ACSM3: variants seen among roughly 807,000 people sequenced by gnomAD.
The protein encoded by ACSM3 is acyl-coenzyme A synthetase ACSM3, mitochondrial.
ACSM3 carries 61 observed loss-of-function variants against 74.1 expected under a neutral mutation model. The observed-to-expected ratio is 0.82, with a 90% confidence interval of 0.67 to 1.02. ACSM3 has a LOEUF of 1.02. ACSM3 is among the 50% of genes least tolerant of loss of function. The probability of loss-of-function intolerance (pLI) is 0.00; values close to 1 mark genes in which losing one functional copy is unlikely to be tolerated. For synonymous variants in ACSM3, 213 were observed against 241.5 expected, an observed-to-expected ratio of 0.88 and a Z score of 1.09; for missense variants, 660 against 697.0, an observed-to-expected ratio of 0.95 and a Z score of 0.60.
At chr16:20,780,385 T>G (rs2080326458) in intron 4 of ACSM3, 1 of 466,744 alleles carries the variant, frequency 2.1e-6, no homozygotes, top group Admixed American at 3.8e-5. Context: ...TATCCATGAT[T>G]GCAAGATCAC....
intron 1 of ACSM3, among the ~76,000 whole-genome samples, chr16:20,768,164 C>G (rs919528467): frequency 6.6e-6 from 1 of 152,202 alleles, no homozygotes; most frequent in African/African-American, 2.4e-5. Context: ...GTATCCCATT[C>G]AGTCTTCAGG....
At position 20,781,727 on chromosome 16, in the gene ACSM3, T is replaced by C. The variant is rs911747422; in HGVS notation, c.959T>C (p.Ile320Thr). The change falls in exon 7 of 14, where the codon ATC becomes ACC. Residue 320 changes from isoleucine (I) to threonine (T), a missense_variant. Transcript: ENST00000289416. Reference protein sequence around the residue: ...SILQTLSKYPITVFCSAPTVY... With the variant: ...SILQTLSKYPTTVFCSAPTVY... Reference sequence around the variant, plus strand: ...TTGCAGACACTCTCCAAGTACCCCATCACAGTCTTCTGTTCAGCACCAACT... The same window carrying C: ...TTGCAGACACTCTCCAAGTACCCCACCACAGTCTTCTGTTCAGCACCAACT... 2 of 1,613,114 alleles carry C rather than the reference T, an allele frequency of 1.2e-6. No individual in the cohort carries two copies. Among genetic ancestry groups the C allele is most frequent in the Non-Finnish European group, 1.7e-6 (2 of 1,179,210 alleles).
chr16:20,699,196 A>C, intron 1 of ACSM3, among the ~76,000 whole-genome samples: 1 of 152,174 alleles, frequency 6.6e-6, no homozygotes, highest in East Asian at 1.9e-4. Context: ...AAGCCTGTAA[A>C]GCACCTGGAC....
intron 1 of ACSM3, among the ~76,000 whole-genome samples, chr16:20,713,501 C>T (rs749214336): frequency 1.4e-4 from 22 of 151,902 alleles, no homozygotes; most frequent in Non-Finnish European, 2.6e-4. Context: ...TAAAAAAATA[C>T]AATTGTGCCA....
Position 20,769,796 on chromosome 16 carries a change from G to T in ACSM3, c.-51-188G>T, listed in dbSNP as rs943207317. Among the ~76,000 whole-genome samples, 6 of 152,254 alleles carry T rather than the reference G, an allele frequency of 3.9e-5. No individual in the cohort carries two copies. In the South Asian group the frequency reaches 1.0e-3, roughly 26 times the overall value. On this transcript the variant is annotated intron_variant, in intron 1 of 13. Transcript: ENST00000289416. ...AGATGATAATAGTACCCACTTCACA[G>T]GGTTTCTCTGAGGATTTAATAAGAA...
chr16:20,781,637 G>A (rs1053778041), intron 6 of ACSM3, 71 bp from the exon 7 acceptor site: 41 of 1,147,328 alleles, frequency 3.6e-5, no homozygotes, highest in South Asian at 1.6e-4. Flanking sequence ...ATTGTGCTGC[G>A]TCAACCAAAG....
intron 1 of ACSM3, among the ~76,000 whole-genome samples, chr16:20,717,877 AAGG>A (rs1400657077): frequency 2.0e-5 from 3 of 150,048 alleles, no homozygotes; most frequent in Non-Finnish European, 3.0e-5. Flanking sequence ...GAAGAAGGAG[AAGG>A]AGAAGGGGAA....
intron 1 of ACSM3, chr16:20,679,624 G>A (rs1184067041): frequency 6.6e-6 from 1 of 152,130 alleles, no homozygotes; most frequent in East Asian, 1.9e-4. Context: ...ACTAGAAGGG[G>A]AGAAATCTCT....
intron 1 of ACSM3, chr16:20,742,014 G>C: frequency 2.0e-6 from 3 of 1,476,202 alleles, no homozygotes; most frequent in Non-Finnish European, 2.7e-6. Flanking sequence ...AGTGGTGTCG[G>C]TGGCTCCTCA....
intron 1 of ACSM3, among the ~76,000 whole-genome samples, chr16:20,744,505 C>A (rs1345546836): frequency 1.3e-5 from 2 of 152,238 alleles, no homozygotes; most frequent in Non-Finnish European, 2.9e-5. Flanking sequence ...CTGCCTCAGC[C>A]TCCCAAGTAG....
intron 1 of ACSM3, among the ~76,000 whole-genome samples, chr16:20,740,655 G>A (rs566699501): frequency 1.3e-5 from 2 of 152,264 alleles, no homozygotes; most frequent in South Asian, 4.1e-4. Context: ...GCTAGTAGAG[G>A]ATGAGCCGTG....
chr16:20,699,239 T>C (rs1264462025), intron 1 of ACSM3, among the ~76,000 whole-genome samples: 2 of 152,200 alleles, frequency 1.3e-5, no homozygotes, highest in Admixed American at 1.3e-4. Context: ...ATAGTGATAT[T>C]GCATTGGATA....
intron 1 of ACSM3, chr16:20,720,930 A>T (rs2079783020): frequency 6.6e-6 from 1 of 152,232 alleles, no homozygotes; most frequent in African/African-American, 2.4e-5. Flanking sequence ...TAGCCCAGAC[A>T]TCCAATTTGA....
chr16:20,703,641 C>T (rs1459964302), intron 1 of ACSM3: 1 of 152,186 alleles, frequency 6.6e-6, no homozygotes, highest in Admixed American at 6.5e-5. Flanking sequence ...TCTGCCTCAG[C>T]CTTCTGAGTA....
At chr16:20,788,505 T>C (rs528112611) in intron 9 of ACSM3, among the ~76,000 whole-genome samples, 6 of 152,348 alleles carry the variant, frequency 3.9e-5, no homozygotes, top group Middle Eastern at 3.4e-3. Context: ...CAGTCATTTT[T>C]AACTCTTTTC....
intron 2 of ACSM3, among the ~76,000 whole-genome samples, chr16:20,754,244 T>C (rs2080011679): frequency 6.6e-6 from 1 of 152,136 alleles, no homozygotes; most frequent in African/African-American, 2.4e-5. Flanking sequence ...GAAACAGTTA[T>C]CTCCAAGTGT....
chr16:20,678,789 T>G (rs927253236), intron 1 of ACSM3, among the ~76,000 whole-genome samples: 35 of 152,194 alleles, frequency 2.3e-4, no homozygotes, highest in African/African-American at 8.0e-4. Context: ...CTAAAACAAC[T>G]GCTGAAGAAA....
At chr16:20,702,236 A>G (rs1321985459) in intron 1 of ACSM3, among the ~76,000 whole-genome samples, 1 of 152,156 alleles carries the variant, frequency 6.6e-6, no homozygotes, top group African/African-American at 2.4e-5. Flanking sequence ...TTTATAAGAC[A>G]GAGTCTTGCC....
chr16:20,741,664 T>C, intron 1 of ACSM3: 3 of 1,584,208 alleles, frequency 1.9e-6, no homozygotes, highest in Non-Finnish European at 2.6e-6. Flanking sequence ...CGAGCGCGCT[T>C]GGCCAGCACA....
Sources: gnomAD v4.1 joint callset for allele counts (sites outside exome capture counted in the v4.1 genomes callset) on GRCh38, gnomAD v4.1.1 for gene constraint, MANE v1.5 for transcripts, NCBI Gene and HGNC (gene_info 2026-07-23, HGNC 2026-07-21) for gene names.